Variants in PAX8 observed in about 807,000 individuals in gnomAD.
PAX8 encodes the protein paired box protein Pax-8.
Under a neutral mutation model 52.4 loss-of-function variants are expected in PAX8, and 15 were observed. That is an observed-to-expected ratio of 0.29 (90% confidence interval 0.19 to 0.44). PAX8 has a LOEUF of 0.44. PAX8 is among the 20% of genes least tolerant of loss of function. The pLI, the probability that PAX8 is intolerant of heterozygous loss-of-function variation, is 1.00. For synonymous variants in PAX8, 284 were observed against 249.7 expected, an observed-to-expected ratio of 1.14 and a Z score of -1.29; for missense variants, 554 against 602.5, an observed-to-expected ratio of 0.92 and a Z score of 0.84.
intron 9 of PAX8, among the ~76,000 whole-genome samples, chr2:113,227,471 G>A (rs1031795586): frequency 2.0e-5 from 3 of 152,220 alleles, no homozygotes; most frequent in Admixed American, 6.5e-5. Flanking sequence ...CATGCAGGGA[G>A]CACTTGTTAC....
chr2:113,230,574 C>T (rs1250883868), intron 9 of PAX8: 1 of 152,242 alleles, frequency 6.6e-6, no homozygotes, highest in African/African-American at 2.4e-5. Context: ...GAACAGACGC[C>T]TGAGGCTTCC....
At chr2:113,228,579 A>T (rs1469180172) in intron 9 of PAX8, among the ~76,000 whole-genome samples, 2 of 152,246 alleles carry the variant, frequency 1.3e-5, no homozygotes, top group African/African-American at 4.8e-5. Flanking sequence ...GCCTCCAGAC[A>T]TTGCCATATG....
chr2:113,224,819 AAAAATAAAATAAAATAAAATATAAAAT>A (rs1689461378), intron 10 of PAX8, among the ~76,000 whole-genome samples: 1 of 146,472 alleles, frequency 6.8e-6, no homozygotes, highest in Non-Finnish European at 1.5e-5. Flanking sequence ...AATAAAATAA[AAAAATAAAATAAAATAAAATATAAAAT>A]AAAATAAAAT....
At chr2:113,251,140 GTC>G (rs1031408509) in intron 2 of PAX8, among the ~76,000 whole-genome samples, 19 of 152,298 alleles carry the variant, frequency 1.2e-4, no homozygotes, top group African/African-American at 4.6e-4. Flanking sequence ...TTTAAGCTGA[GTC>G]TCTGCAATGG....
intron 5 of PAX8, 30 bp downstream of exon 5, chr2:113,242,658 ATG>A (rs771654201): frequency 3.5e-6 from 5 of 1,440,406 alleles, no homozygotes; most frequent in Non-Finnish European, 4.9e-6. Context: ...GTACACGAGC[ATG>A]TGTGTGTATC....
chr2:113,267,594 G>C (rs970446248), intron 2 of PAX8: 2 of 152,200 alleles, frequency 1.3e-5, no homozygotes, highest in African/African-American at 2.4e-5. Context: ...ATAGCACAGA[G>C]CAGATTCCTG....
At chr2:113,277,819 GC>G (rs1693932412) in intron 2 of PAX8, among the ~76,000 whole-genome samples, 1 of 152,162 alleles carries the variant, frequency 6.6e-6, no homozygotes, top group African/African-American at 2.4e-5. Context: ...CGCCCGGCCT[GC>G]CCGGTGCTGG....
intron 2 of PAX8, chr2:113,265,804 A>C (rs1346544444): frequency 6.6e-6 from 1 of 152,216 alleles, no homozygotes; most frequent in Non-Finnish European, 1.5e-5. Flanking sequence ...GACTTACTAA[A>C]TTGAATAGTT....
intron 10 of PAX8, among the ~76,000 whole-genome samples, chr2:113,222,180 T>G (rs1689311071): frequency 6.6e-6 from 1 of 152,182 alleles, no homozygotes; most frequent in African/African-American, 2.4e-5. Context: ...CATCTCCCAG[T>G]GCCAACTGCC....
Position 113,242,137 on chromosome 2 carries a change from TG to T in PAX8, c.479-8del, listed in dbSNP as rs770695936. ...GTTACAGCTGAGCTGGGGACTGCAG[TG>T]GGGGAGAGGGAGAGGGTCAGGGGTG... On this transcript the variant is annotated splice_region_variant and splice_polypyrimidine_tract_variant and intron_variant, in intron 5 of 11. Transcript: ENST00000429538. 4.4e-6 allele frequency: 7 copies of T among 1,602,832 alleles called. No individual in the cohort carries two copies. The East Asian group carries it at 1.6e-4, about 36-fold the overall frequency.
chr2:113,226,745 G>C (rs2104430887), intron 10 of PAX8: 1 of 1,152,138 alleles, frequency 8.7e-7, no homozygotes, highest in African/African-American at 1.6e-5. Context: ...ATTCATCAGA[G>C]TTAAATCACT....
intron 7 of PAX8, chr2:113,238,224 C>T (rs1428514174): frequency 6.6e-6 from 1 of 152,116 alleles, no homozygotes; most frequent in Non-Finnish European, 1.5e-5. Context: ...TGCGTGCTAC[C>T]ATGCCAGGCT....
rs2104485041 is a variant in PAX8, at chr2:113,241,605, C to T, written c.723G>A (p.Glu241=). ...CATAGGCCTCTGGGTAGTGCTGCCG[C>T]TCAAATGGGCACTCGAGCGGCTCGA... is the stretch of plus-strand genomic sequence containing the variant. ...HHLEPLECPF[E]RQHYPEAYAS... is the part of the protein sequence containing the mutation. Residue 241 remains glutamate, a synonymous_variant, in exon 7 of 12, where the codon GAG becomes GAA. Coordinates refer to ENST00000429538, the MANE Select transcript of PAX8 (RefSeq NM_003466.4). 6.2e-7 allele frequency: 1 copy of T among 1,613,628 alleles called. No individual in the cohort carries two copies. The highest frequency in any genetic ancestry group is 2.2e-5 in the East Asian group (1 of 44,878).
intron 2 of PAX8, chr2:113,255,291 G>GA (rs1692165182): frequency 2.0e-5 from 1 of 50,990 alleles, no homozygotes; most frequent in Non-Finnish European, 3.7e-5. Context: ...AGGAGGGAGG[G>GA]AGGAGGGAGG....
chr2:113,246,570 T>C (rs1691336128), intron 3 of PAX8, among the ~76,000 whole-genome samples, 184 bp downstream of exon 3: 1 of 152,036 alleles, frequency 6.6e-6, no homozygotes, highest in Admixed American at 6.5e-5. Context: ...AAGAAAACAG[T>C]AGAAAAATAG....
intron 2 of PAX8, among the ~76,000 whole-genome samples, chr2:113,253,918 C>A (rs1691987815): frequency 6.6e-6 from 1 of 152,132 alleles, no homozygotes; most frequent in East Asian, 1.9e-4. Flanking sequence ...TTTAATTTTA[C>A]ATTTTTTGCA....
chr2:113,263,366 C>A (rs1243192776), intron 2 of PAX8: 3 of 152,746 alleles, frequency 2.0e-5, no homozygotes, highest in Non-Finnish European at 4.4e-5. Context: ...GCTTCTCCTC[C>A]TTTCAAGAAC....
chr2:113,243,542 C>A (rs1318837848), intron 4 of PAX8, among the ~76,000 whole-genome samples: 1 of 152,200 alleles, frequency 6.6e-6, no homozygotes, highest in Non-Finnish European at 1.5e-5. Context: ...CAGGCACTCG[C>A]CACCACACCC....
chr2:113,227,423 T>A (rs1689648677), intron 9 of PAX8, among the ~76,000 whole-genome samples, 167 bp from the exon 10 acceptor site: 2 of 152,210 alleles, frequency 1.3e-5, no homozygotes. Context: ...CAAGTTCTTT[T>A]CACCTCTGTC....
Sources: allele counts gnomAD v4.1 joint callset (sites outside exome capture counted in the v4.1 genomes callset), GRCh38; gene constraint gnomAD v4.1.1; transcripts MANE v1.5; gene names NCBI Gene and HGNC (gene_info 2026-07-23, HGNC 2026-07-21).